Variants in NRXN3 observed in about 807,000 individuals in gnomAD.
NRXN3 encodes neurexin 3, also known as neurexin III.
A neutral mutation model predicts 137.6 loss-of-function variants in NRXN3; 32 were observed. That is an observed-to-expected ratio of 0.23 (90% CI 0.18 to 0.31). NRXN3 has a LOEUF of 0.31. Among genes scored for constraint, NRXN3 ranks in the 10% least tolerant of loss-of-function variants. The pLI is 1.00. For missense variants in NRXN3, 1,574 were observed against 2,062.5 expected, an observed-to-expected ratio of 0.76 and a Z score of 4.59; for synonymous variants, 798 against 784.5, an observed-to-expected ratio of 1.02 and a Z score of -0.29.
At chr14:78,339,946 C>T (rs553335625) in intron 4 of NRXN3, among the ~76,000 whole-genome samples, 28 of 152,232 alleles carry the variant, frequency 1.8e-4, no homozygotes, top group South Asian at 6.2e-4. Context: ...TAGACTCTCC[C>T]TTTTAATCCA....
At position 79,698,595 on chromosome 14, in the gene NRXN3, C is replaced by G. The variant is rs76498847; in HGVS notation, c.4014+658C>G. On this transcript the variant is annotated intron_variant, in intron 19 of 20. Transcript: ENST00000335750. ...CCTTGTTTTTGTGGCAGTTTTTTTC[C>G]ACTTGAAAGTAATTATATCCAAACT... is the stretch of plus-strand genomic sequence containing the variant. Among the ~76,000 whole-genome samples the G allele has an allele frequency of 2.2e-3, 328 of 152,036 alleles. 1 individual carries two copies. The highest frequency in any genetic ancestry group is 7.7e-3 in the African/African-American group (320 of 41,474).
intron 8 of NRXN3, among the ~76,000 whole-genome samples, chr14:78,793,003 A>G (rs2098810333): frequency 6.6e-6 from 1 of 152,226 alleles, no homozygotes; most frequent in South Asian, 2.1e-4. Context: ...TAATTTAAAG[A>G]GTGTAATTGG....
At chr14:78,619,582 T>A (rs1214699666) in intron 4 of NRXN3, among the ~76,000 whole-genome samples, 1 of 152,102 alleles carries the variant, frequency 6.6e-6, no homozygotes, top group Non-Finnish European at 1.5e-5. Flanking sequence ...TGGGGGTTGC[T>A]CCCTCATACT....
intron 15 of NRXN3, among the ~76,000 whole-genome samples, chr14:79,043,523 C>G (rs1317737527): frequency 6.6e-6 from 1 of 152,184 alleles, no homozygotes; most frequent in African/African-American, 2.4e-5. Flanking sequence ...CACACTCACC[C>G]AATTTCCCCA....
At chr14:79,160,404 A>G (rs2060647118) in intron 15 of NRXN3, among the ~76,000 whole-genome samples, 1 of 151,868 alleles carries the variant, frequency 6.6e-6, no homozygotes, top group Non-Finnish European at 1.5e-5. Flanking sequence ...TAGGTGCCCC[A>G]TTAGTTTTGT....
chr14:79,283,241 C>T (rs529237089), intron 15 of NRXN3, among the ~76,000 whole-genome samples: 1 of 152,222 alleles, frequency 6.6e-6, no homozygotes, highest in African/African-American at 2.4e-5. Flanking sequence ...AAAGTAAATG[C>T]CCTTGATTTT....
rs1415566048 is a variant in NRXN3, at chr14:79,413,841, A to G, written c.3263-53380A>G. ...TCAAATCATGAGAGTTAAGCCTGTCATGAACTGTGAGTGCAAGCTGACCCA... is the reference window on the plus strand; with the variant it reads ...TCAAATCATGAGAGTTAAGCCTGTCGTGAACTGTGAGTGCAAGCTGACCCA... On this transcript the variant is annotated intron_variant, in intron 15 of 20. Coordinates refer to ENST00000335750, the MANE Select transcript of NRXN3 (RefSeq NM_001330195.2). Among the ~76,000 whole-genome samples, 3 of 143,620 alleles carry G rather than the reference A, an allele frequency of 2.1e-5. No individual in the cohort carries two copies. The East Asian group carries it at 6.5e-4, about 31-fold the overall frequency. 94.2% of individuals were successfully genotyped at this position (143,620 alleles called of 152,430 possible).
intron 6 of NRXN3, among the ~76,000 whole-genome samples, chr14:78,665,120 T>C (rs1289713115): frequency 6.6e-6 from 1 of 152,126 alleles, no homozygotes; most frequent in Non-Finnish European, 1.5e-5. Context: ...AGACTAAGAA[T>C]AAATGCAAAA....
chr14:78,959,713 G>A (rs1398311622), intron 11 of NRXN3, among the ~76,000 whole-genome samples: 2 of 152,178 alleles, frequency 1.3e-5, no homozygotes, highest in Non-Finnish European at 2.9e-5. Context: ...TGTACAAATG[G>A]TTACACTATT....
intron 15 of NRXN3, among the ~76,000 whole-genome samples, chr14:79,334,488 G>A (rs973149354): frequency 1.3e-5 from 2 of 152,238 alleles, no homozygotes; most frequent in African/African-American, 4.8e-5. Context: ...GGAGGCTGAT[G>A]GCTAGAAGAC....
intron 15 of NRXN3, among the ~76,000 whole-genome samples, chr14:79,233,424 C>T (rs986455510): frequency 1.3e-5 from 2 of 152,062 alleles, no homozygotes; most frequent in Non-Finnish European, 2.9e-5. Flanking sequence ...TGCTGCCTAG[C>T]CTAGCAAGAC....
At chr14:78,470,700 A>T (rs2153728369) in intron 4 of NRXN3, among the ~76,000 whole-genome samples, 1 of 151,952 alleles carries the variant, frequency 6.6e-6, no homozygotes, top group East Asian at 1.9e-4. Flanking sequence ...AGAAATGGAG[A>T]TGGGGAGGAA....
chr14:79,405,312 C>T (rs1191464211), intron 15 of NRXN3, among the ~76,000 whole-genome samples: 2 of 152,224 alleles, frequency 1.3e-5, no homozygotes, highest in East Asian at 1.9e-4. Flanking sequence ...GTGCTATCAT[C>T]GCTTTGTTAT....
intron 19 of NRXN3, among the ~76,000 whole-genome samples, chr14:79,734,027 C>T (rs1207283057): frequency 1.3e-5 from 2 of 152,128 alleles, no homozygotes; most frequent in Admixed American, 1.3e-4. Context: ...GATTCACTGA[C>T]TTGGAGTCAC....
intron 15 of NRXN3, among the ~76,000 whole-genome samples, chr14:79,066,305 G>T (rs1193501656): frequency 2.6e-5 from 4 of 152,048 alleles, no homozygotes; most frequent in African/African-American, 9.7e-5. Flanking sequence ...TTGTAGGTGT[G>T]CGGTCTTATG....
chr14:78,414,297 G>T (rs1474216407), intron 4 of NRXN3, among the ~76,000 whole-genome samples: 4 of 152,078 alleles, frequency 2.6e-5, no homozygotes, highest in Admixed American at 2.6e-4. Context: ...CCTTGTCAGG[G>T]CCTCAGCACA....
chr14:79,459,988 G>C lies in NRXN3; in HGVS notation c.3263-7233G>C, dbSNP rs188699008. On this transcript the variant is annotated intron_variant, in intron 15 of 20. Coordinates refer to ENST00000335750, the MANE Select transcript of NRXN3 (RefSeq NM_001330195.2). ...ATCCTGAAATTTGATGAGTAAAAATGACTTTCTTTTATATTTTTGTGATAT... is the reference window on the plus strand; with the variant it reads ...ATCCTGAAATTTGATGAGTAAAAATCACTTTCTTTTATATTTTTGTGATAT... Among the ~76,000 whole-genome samples, 530 of 152,142 alleles carry C rather than the reference G, an allele frequency of 3.5e-3. 5 individuals carry two copies. Among genetic ancestry groups the C allele is most frequent in the Middle Eastern group, 3.4e-3 (1 of 294 alleles).
intron 15 of NRXN3, among the ~76,000 whole-genome samples, chr14:79,400,473 G>A (rs1370341568): frequency 2.0e-5 from 3 of 152,148 alleles, no homozygotes; most frequent in South Asian, 4.1e-4. Context: ...GTATAGATGG[G>A]AAACTAGTTC....
At chr14:78,928,154 A>G (rs1462328513) in intron 10 of NRXN3, among the ~76,000 whole-genome samples, 3 of 151,856 alleles carry the variant, frequency 2.0e-5, no homozygotes, top group East Asian at 3.9e-4. Context: ...CACTTCCTCA[A>G]TTTGCTCTCT....
Sources: gnomAD v4.1 joint callset for allele counts (sites outside exome capture counted in the v4.1 genomes callset) on GRCh38, gnomAD v4.1.1 for gene constraint, MANE v1.5 for transcripts, NCBI Gene and HGNC (gene_info 2026-07-23, HGNC 2026-07-21) for gene names.